ENOSF1: variants seen among roughly 807,000 people sequenced by gnomAD.
The protein encoded by ENOSF1 is enolase superfamily member 1.
In ENOSF1, 73 loss-of-function variants were observed where a neutral mutation model predicts 68.2. The observed-to-expected ratio is 1.07, with a 90% CI of 0.89 to 1.30. ENOSF1 has a LOEUF of 1.30. ENOSF1 is among the 50% of genes most tolerant of loss of function. The pLI is 0.00. For missense variants in ENOSF1, 589 were observed against 554.5 expected, an observed-to-expected ratio of 1.06 and a Z score of -0.62; for synonymous variants, 223 against 210.4, an observed-to-expected ratio of 1.06 and a Z score of -0.52.
At position 712,509 on chromosome 18, in the gene ENOSF1, C is replaced by G; in HGVS notation, c.79G>C (p.Ala27Pro). The G allele has an allele frequency of 6.5e-7, 1 of 1,538,690 alleles. No individual in the cohort carries two copies. The highest frequency in any genetic ancestry group is 2.0e-5 in the Admixed American group (1 of 50,960). The change falls in exon 1 of 16, where the codon GCC becomes CCC. Residue 27 changes from alanine to proline, a missense_variant. Ala to Pro is a conservative substitution (Grantham distance 27). Coordinates refer to ENST00000647584, the MANE Select transcript of ENOSF1 (RefSeq NM_017512.7). Reference sequence around the variant, plus strand: ...ACCATGGCGTCCGCGCTTACCATGGCGTCCGCGCCGTGGCCCCCAAGCGAC... The same window carrying G: ...ACCATGGCGTCCGCGCTTACCATGGGGTCCGCGCCGTGGCCCCCAAGCGAC... Reference protein sequence around the residue: ...PTSLGGHGADAMHTDPDYSAA... With the variant: ...PTSLGGHGADPMHTDPDYSAA...
At chr18:708,398 T>C (rs2079163439) in intron 1 of ENOSF1, among the ~76,000 whole-genome samples, 3 of 151,972 alleles carry the variant, frequency 2.0e-5, no homozygotes, top group Admixed American at 2.0e-4. Flanking sequence ...AGAACGGGCA[T>C]GCTGGCTCAT....
chr18:680,305 C>A (rs1326840396), intron 11 of ENOSF1, among the ~76,000 whole-genome samples: 2 of 152,214 alleles, frequency 1.3e-5, no homozygotes, highest in Non-Finnish European at 2.9e-5. Context: ...TTCAAGCCAA[C>A]ATTTTATGCT....
chr18:666,514 A>C (rs901148693), downstream of ENOSF1, among the ~76,000 whole-genome samples: 1 of 152,126 alleles, frequency 6.6e-6, no homozygotes, highest in Admixed American at 6.5e-5. Flanking sequence ...TGTCCCTAGG[A>C]AAAGCAGATG....
chr18:690,640 A>T lies in ENOSF1; in HGVS notation c.536-9T>A. On this transcript the variant is annotated splice_polypyrimidine_tract_variant and intron_variant, in intron 7 of 15. Transcript: ENST00000647584. ...TGCCAGCATTTGCTTCTCTGTGAAAACACAGCGCCGTCAACATTTTGCACT... is the reference window on the plus strand; with the variant it reads ...TGCCAGCATTTGCTTCTCTGTGAAATCACAGCGCCGTCAACATTTTGCACT... 2 of 1,612,800 alleles carry T rather than the reference A, an allele frequency of 1.2e-6. No individual in the cohort carries two copies. Among genetic ancestry groups the T allele is most frequent in the Non-Finnish European group, 1.7e-6 (2 of 1,179,868 alleles).
At chr18:687,942 G>C (rs887984119) in intron 9 of ENOSF1, 1 of 152,422 alleles carries the variant, frequency 6.6e-6, no homozygotes, top group Non-Finnish European at 1.5e-5. Context: ...TGAGGCAGGC[G>C]GATCACCTGA....
chr18:665,564 A>G (rs1296206662), downstream of ENOSF1, among the ~76,000 whole-genome samples: 1 of 116,180 alleles, frequency 8.6e-6, no homozygotes, highest in Non-Finnish European at 1.7e-5. Context: ...TAGCTTTTGA[A>G]TGTGTTTGCT....
intron 1 of ENOSF1, chr18:707,451 T>C (rs1257874582): frequency 1.3e-5 from 2 of 152,232 alleles, no homozygotes; most frequent in Non-Finnish European, 2.9e-5. Flanking sequence ...TGCATAAAAT[T>C]GGAGTGATCT....
rs773718765 is a variant in ENOSF1, at chr18:683,342, C to T, written c.780G>A (p.Ala260=). The change falls in exon 11 of 16, where the codon GCG becomes GCA. Residue 260 remains alanine, a synonymous_variant. Transcript: ENST00000647584. ...DANQRWDVPE[A]VEWMSKLAKF... ...TGGCCAGCTTGGACATCCACTCCAC[C>T]GCCTCAGGCACATCCCAGCGCTGGT... 36 of 1,614,152 alleles carry T rather than the reference C, an allele frequency of 2.2e-5. No individual in the cohort carries two copies. The highest frequency in any genetic ancestry group is 1.6e-4 in the Middle Eastern group (1 of 6,062).
At position 680,312 on chromosome 18, in the gene ENOSF1, T is replaced by C. The variant is rs77872390; in HGVS notation, c.877-1575A>G. Among the ~76,000 whole-genome samples the C allele has an allele frequency of 0.018, 2,758 of 152,336 alleles. 175 individuals are homozygous for C. In the East Asian group the frequency reaches 0.24, roughly 13 times the overall value. ...GGCACCTTTTCAAGCCAACATTTTA[T>C]GCTTCTTAAAATTTCTAATTTAAGT... is the stretch of plus-strand genomic sequence containing the variant. On this transcript the variant is annotated intron_variant, in intron 11 of 15. Transcript: ENST00000647584.
At chr18:667,553 A>ATGGAGATGGAGATGGTGATGGT (rs2074878653), downstream of ENOSF1, among the ~76,000 whole-genome samples, 1 of 18,572 alleles carries the variant, frequency 5.4e-5, no homozygotes, top group Non-Finnish European at 9.0e-5. Flanking sequence ...ATGGTGATGG[A>ATGGAGATGGAGATGGTGATGGT]GATGGTGATG....
At chr18:678,336 G>A (rs1598534688) in intron 12 of ENOSF1, 1 of 339,618 alleles carries the variant, frequency 2.9e-6, no homozygotes, top group East Asian at 6.4e-5. Context: ...AGGCACTCGG[G>A]CTTCATTTAT....
intron 2 of ENOSF1, among the ~76,000 whole-genome samples, chr18:706,057 C>T (rs1598806044): frequency 6.6e-6 from 1 of 152,048 alleles, no homozygotes; most frequent in South Asian, 2.1e-4. Flanking sequence ...GTGCTGTGCA[C>T]ATCACAATGA....
chr18:691,392 C>T lies in ENOSF1; in HGVS notation c.424-116G>A, dbSNP rs957629999. 17 of 833,552 alleles carry T rather than the reference C, an allele frequency of 2.0e-5. No homozygotes were observed. The South Asian group carries it at 2.1e-4, about 10-fold the overall frequency. The allele number at this position is 833,552 out of a possible 1,614,324, so 51.6% of individuals were successfully genotyped here. A position where few individuals can be genotyped will look rare whatever the true frequency, so the allele number is the denominator to read the frequency against. The stretch of plus-strand genomic sequence containing the variant: ...ACAAGGTCTCACTCTGTTGCCCAGG[C>T]TGGAGTGCAGTGATGCCATCATAGC... On this transcript the variant is annotated intron_variant, in intron 5 of 15. Coordinates refer to ENST00000647584, the MANE Select transcript of ENOSF1 (RefSeq NM_017512.7).
At chr18:679,888 T>G (rs1363017535) in intron 11 of ENOSF1, among the ~76,000 whole-genome samples, 4 of 152,188 alleles carry the variant, frequency 2.6e-5, no homozygotes, top group Non-Finnish European at 5.9e-5. Flanking sequence ...CAGCTAACAT[T>G]TTTGGAGCTC....
chr18:679,042 C>T lies in ENOSF1; in HGVS notation c.877-305G>A, dbSNP rs76177321. 9.4e-4 allele frequency among the ~76,000 whole-genome samples: 143 copies of T among 152,262 alleles called. 5 individuals carry two copies. In the East Asian group the frequency reaches 0.025, roughly 26 times the overall value. ...GCGCTCCTCCCAACGTGGACAGCAC[C>T]TCCCTCTCCAGCCTGCGCAGTGGCA... is the stretch of plus-strand genomic sequence containing the variant. On this transcript the variant is annotated intron_variant, in intron 11 of 15. Coordinates refer to ENST00000647584, the MANE Select transcript of ENOSF1 (RefSeq NM_017512.7).
chr18:704,605 CTTTTTTCTT>C (rs1484454857), intron 2 of ENOSF1, among the ~76,000 whole-genome samples: 2 of 135,310 alleles, frequency 1.5e-5, no homozygotes, highest in African/African-American at 5.7e-5. Context: ...TCTTCTGTAT[CTTTTTTCTT>C]TTTTTTTTTG....
intron 2 of ENOSF1, among the ~76,000 whole-genome samples, chr18:704,621 T>C (rs1813862504): frequency 6.7e-6 from 1 of 150,296 alleles, no homozygotes; most frequent in African/African-American, 2.5e-5. Flanking sequence ...TCTTTTTTTT[T>C]TTGGGATGGA....
chr18:672,747 C>T lies in ENOSF1; in HGVS notation c.*1558G>A. 8.0e-7 allele frequency: 1 copy of T among 1,244,024 alleles called. No homozygotes were observed. Among genetic ancestry groups the T allele is most frequent in the Non-Finnish European group, 1.1e-6 (1 of 904,594 alleles). The allele number at this position is 1,244,024 out of a possible 1,614,324, so 77.1% of individuals were successfully genotyped here. ...GCAAGGTATCGACAGGATCATACTC[C>T]TGTAAAATAGAACTTTGTTGATCAC... On this transcript the variant is annotated 3_prime_UTR_variant, in exon 16 of 16. Transcript: ENST00000647584.
rs761063772 is a variant in ENOSF1, at chr18:690,558, C to T, written c.609G>A (p.Thr203=). 5.0e-6 allele frequency: 8 copies of T among 1,614,156 alleles called. No homozygotes were observed. The highest frequency in any genetic ancestry group is 4.5e-5 in the East Asian group (2 of 44,796). The change falls in exon 8 of 16, where the codon ACG becomes ACA. Residue 203 remains threonine (T), a synonymous_variant. Coordinates refer to ENST00000647584, the MANE Select transcript of ENOSF1 (RefSeq NM_017512.7). The stretch of plus-strand genomic sequence containing the variant: ...AGGTTAAAATGCCCACCTGCTTCAA[C>T]GTGTCATCTGAGTACCCCAGCCAGG... ...SCAWLGYSDD[T]LKQLCAQALK...
Sources: allele counts gnomAD v4.1 joint callset (sites outside exome capture counted in the v4.1 genomes callset), GRCh38; gene constraint gnomAD v4.1.1; transcripts MANE v1.5; gene names NCBI Gene and HGNC (gene_info 2026-07-23, HGNC 2026-07-21).